Variants in MCTP2 observed in about 807,000 individuals in gnomAD.
The protein encoded by MCTP2 is multiple C2 and transmembrane domain containing 2.
MCTP2 carries 132 observed loss-of-function variants against 111.6 expected under a neutral mutation model. The ratio of observed to expected loss-of-function variants is 1.18; its 90% CI spans 1.03 to 1.37. MCTP2 has a LOEUF of 1.37. Ranked by LOEUF, MCTP2 falls within the 40% of genes most tolerant of loss-of-function variation. MCTP2 has a pLI of 0.00. For missense variants in MCTP2, 1,183 were observed against 1,067.9 expected (o/e 1.11, Z -1.50); for synonymous variants, 395 against 387.7 (o/e 1.02, Z -0.22).
At position 94,399,952 on chromosome 15, in the gene MCTP2, G is replaced by A. The variant is rs749217960; in HGVS notation, c.1922G>A (p.Arg641Gln). The A allele has an allele frequency of 1.2e-5, 19 of 1,613,774 alleles. No homozygotes were observed. The South Asian group carries it at 1.2e-4, about 10-fold the overall frequency. The change falls in exon 16 of 23, where the codon CGG (arginine) becomes CAG (glutamine). Residue 641 changes from arginine (R) to glutamine (Q), a missense_variant. By Grantham distance (43) the Arg-to-Gln change is conservative (BLOSUM62 1). Coordinates refer to ENST00000357742, the MANE Select transcript of MCTP2 (RefSeq NM_001385001.1). ...GCAAGTATTAGGACTTTTACTCCCCGGGAAAAGCGCTTTGTTGAAGACAGC... is the reference window on the plus strand; with the variant it reads ...GCAAGTATTAGGACTTTTACTCCCCAGGAAAAGCGCTTTGTTGAAGACAGC... ...VKASIRTFTPREKRFVEDSRK... is the reference protein window; with the variant it reads ...VKASIRTFTPQEKRFVEDSRK...
In MCTP2 at chr15:94,298,638, G is replaced by A. The variant is rs377631883; in HGVS notation, c.373G>A (p.Ala125Thr). The A allele has an allele frequency of 2.7e-5, 43 of 1,614,064 alleles. No individual in the cohort carries two copies. In the African/African-American group the frequency reaches 4.4e-4, roughly 17 times the overall value. Residue 125 changes from alanine (A) to threonine (T), a missense_variant, in exon 2 of 23, where the codon GCC becomes ACC. Transcript: ENST00000357742. ...GGAAACAGACTCAGAGGAGGCCTAT[G>A]CCTCTCCTGCTGAGCGGAGACGGGT... ...VVETDSEEAY[A>T]SPAERRRVSS...
intron 4 of MCTP2, among the ~76,000 whole-genome samples, chr15:94,334,611 T>G (rs555043975): frequency 1.3e-5 from 2 of 152,332 alleles, no homozygotes; most frequent in Non-Finnish European, 2.9e-5. Flanking sequence ...TCCTAGCTCA[T>G]GGTAAACTCT....
intron 17 of MCTP2, among the ~76,000 whole-genome samples, chr15:94,424,505 G>A (rs1287513136): frequency 6.6e-6 from 1 of 152,080 alleles, no homozygotes; most frequent in Non-Finnish European, 1.5e-5. Context: ...TCTGGGGATG[G>A]GACTTAGCAA....
At chr15:94,342,850 A>G (rs112156688) in intron 7 of MCTP2, 1 of 150,972 alleles carries the variant, frequency 6.6e-6, no homozygotes, top group Non-Finnish European at 1.5e-5. Context: ...TGATTTCTCC[A>G]TGAAAATAGC....
At chr15:94,440,123 C>T (rs941403688) in intron 17 of MCTP2, 53 bp from the exon 18 acceptor site, 2 of 1,594,936 alleles carry the variant, frequency 1.3e-6, no homozygotes, top group Non-Finnish European at 1.7e-6. Context: ...AATTTGATTG[C>T]TCCCCTAGTG....
At chr15:94,245,026 C>T (rs992259667) in intron 1 of MCTP2, among the ~76,000 whole-genome samples, 1 of 146,844 alleles carries the variant, frequency 6.8e-6, no homozygotes, top group Non-Finnish European at 1.5e-5. Context: ...ACATATGCAC[C>T]TATGTTTATA....
At chr15:94,387,746 A>G (rs2080597091) in intron 14 of MCTP2, among the ~76,000 whole-genome samples, 1 of 152,228 alleles carries the variant, frequency 6.6e-6, no homozygotes, top group Admixed American at 6.5e-5. Flanking sequence ...AGAATGTTAG[A>G]TGGTGAAAAG....
In MCTP2 at chr15:94,470,317, T is replaced by C; in HGVS notation, c.2361-16T>C. The C allele has an allele frequency of 1.3e-6, 2 of 1,537,520 alleles. No individual in the cohort carries two copies. The highest frequency in any genetic ancestry group is 1.8e-6 in the Non-Finnish European group (2 of 1,110,604). ...TGAACATCAGAGGAAATTATATTTATGTGGTTTGTCTACAGCACATTTAAC... is the reference window on the plus strand; with the variant it reads ...TGAACATCAGAGGAAATTATATTTACGTGGTTTGTCTACAGCACATTTAAC... On this transcript the variant is annotated splice_polypyrimidine_tract_variant and intron_variant, in intron 20 of 22. Coordinates refer to ENST00000357742, the MANE Select transcript of MCTP2 (RefSeq NM_001385001.1).
intron 17 of MCTP2, among the ~76,000 whole-genome samples, chr15:94,428,072 C>G (rs145216778): frequency 5.9e-5 from 9 of 152,302 alleles, no homozygotes; most frequent in African/African-American, 1.9e-4. Flanking sequence ...TTTATTTACA[C>G]TGGCATGCAC....
intron 4 of MCTP2, among the ~76,000 whole-genome samples, chr15:94,336,250 C>G (rs1174485101): frequency 6.6e-6 from 1 of 152,178 alleles, no homozygotes; most frequent in African/African-American, 2.4e-5. Context: ...TCTGCCTGTT[C>G]TGATCCACCC....
chr15:94,429,881 T>G (rs1264747858), intron 17 of MCTP2, among the ~76,000 whole-genome samples: 1 of 152,212 alleles, frequency 6.6e-6, no homozygotes, highest in African/African-American at 2.4e-5. Context: ...TCCTACAGAC[T>G]TTGTCTCAAT....
intron 1 of MCTP2, among the ~76,000 whole-genome samples, chr15:94,243,920 T>C (rs1294630489): frequency 2.6e-5 from 3 of 116,906 alleles, no homozygotes; most frequent in Admixed American, 1.6e-4. Flanking sequence ...TGTGTATATA[T>C]TTACACATAT....
intron 1 of MCTP2, among the ~76,000 whole-genome samples, chr15:94,265,175 A>C (rs2073443428): frequency 6.6e-6 from 1 of 152,214 alleles, no homozygotes; most frequent in Admixed American, 6.5e-5. Context: ...AACTCTGCCA[A>C]GGACTCCTGC....
chr15:94,245,522 ATATT>A (rs557473670), intron 1 of MCTP2, among the ~76,000 whole-genome samples: 53 of 141,556 alleles, frequency 3.7e-4, no homozygotes, highest in East Asian at 1.2e-3. Flanking sequence ...ATATATGTAT[ATATT>A]TATATACATA....
chr15:94,352,689 G>A (rs1278804432), intron 8 of MCTP2, among the ~76,000 whole-genome samples: 8 of 152,090 alleles, frequency 5.3e-5, no homozygotes, highest in South Asian at 2.1e-4. Context: ...CAAATTTCAC[G>A]TATAGGTTCG....
At chr15:94,265,178 A>T (rs908137824) in intron 1 of MCTP2, among the ~76,000 whole-genome samples, 1 of 151,982 alleles carries the variant, frequency 6.6e-6, no homozygotes, top group African/African-American at 2.4e-5. Flanking sequence ...TCTGCCAAGG[A>T]CTCCTGCTTT....
At chr15:94,327,503 A>G (rs1454523242) in intron 4 of MCTP2, among the ~76,000 whole-genome samples, 7 of 152,202 alleles carry the variant, frequency 4.6e-5, no homozygotes, top group Admixed American at 2.0e-4. Context: ...TTATTTTGCA[A>G]CATTTGGGAT....
chr15:94,335,842 A>G (rs949491467), intron 4 of MCTP2, among the ~76,000 whole-genome samples: 2 of 152,336 alleles, frequency 1.3e-5, no homozygotes, highest in Non-Finnish European at 2.9e-5. Context: ...TCCACTAAAA[A>G]CAATTCTATT....
At chr15:94,254,154 A>G (rs983430138) in intron 1 of MCTP2, among the ~76,000 whole-genome samples, 2 of 152,184 alleles carry the variant, frequency 1.3e-5, no homozygotes, top group African/African-American at 2.4e-5. Context: ...TTCCTAGCAT[A>G]TTTGAATTGC....
Sources: allele counts gnomAD v4.1 joint callset (sites outside exome capture counted in the v4.1 genomes callset), GRCh38; gene constraint gnomAD v4.1.1; transcripts MANE v1.5; gene names NCBI Gene and HGNC (gene_info 2026-07-23, HGNC 2026-07-21).